The following RARB variants were observed in gnomAD, a reference collection of about 807,000 sequenced individuals.
RARB encodes the protein HBV-activated protein.
A neutral mutation model predicts 51.9 loss-of-function variants in RARB; 17 were observed. The observed-to-expected ratio is 0.33, with a 90% CI of 0.22 to 0.49. The LOEUF (loss-of-function observed/expected upper bound fraction) is 0.49. RARB is among the 20% of genes least tolerant of loss of function. The pLI is 0.99. For synonymous variants in RARB, 215 were observed against 195.4 expected, an observed-to-expected ratio of 1.10 and a Z score of -0.84; for missense variants, 369 against 550.8, an observed-to-expected ratio of 0.67 and a Z score of 3.30.
chr3:25,577,289 C>G (rs1157451959), intron 4 of RARB, among the ~76,000 whole-genome samples: 1 of 152,196 alleles, frequency 6.6e-6, no homozygotes, highest in African/African-American at 2.4e-5. Flanking sequence ...ATGGTGCCTA[C>G]CGCATGGGGG....
At chr3:25,167,897 C>T (rs943347327) in intron 4 of RARB, among the ~76,000 whole-genome samples, 3 of 152,200 alleles carry the variant, frequency 2.0e-5, no homozygotes, top group Admixed American at 2.0e-4. Flanking sequence ...CAGATGCTTA[C>T]AGGATTGCTC....
At chr3:25,044,482 G>A (rs1698174989) in intron 2 of RARB, among the ~76,000 whole-genome samples, 1 of 152,018 alleles carries the variant, frequency 6.6e-6, no homozygotes, top group South Asian at 2.1e-4. Flanking sequence ...TATATTTAGG[G>A]CTAAAAAAAA....
chr3:25,036,661 C>T (rs904650290), intron 2 of RARB, among the ~76,000 whole-genome samples: 5 of 152,142 alleles, frequency 3.3e-5, no homozygotes, highest in African/African-American at 1.2e-4. Context: ...TTTGTGCCCA[C>T]ACCAGTACCT....
At position 24,902,174 on chromosome 3, in the gene RARB, G is replaced by A. The variant is rs113038319; in HGVS notation, c.-380+43422G>A. Among the ~76,000 whole-genome samples, 1,122 of 152,158 alleles carry A rather than the reference G, an allele frequency of 7.4e-3. 14 individuals are homozygous for A. The highest frequency in any genetic ancestry group is 0.025 in the African/African-American group (1,037 of 41,496). On this transcript the variant is annotated intron_variant, in intron 2 of 11. Coordinates refer to the RARB transcript ENST00000383772. ...TTAAGTGGCTTGTCCACATTCCTACGTCTGAGAAGCAGCAGATCTAGAATT... is the reference window on the plus strand; with the variant it reads ...TTAAGTGGCTTGTCCACATTCCTACATCTGAGAAGCAGCAGATCTAGAATT...
intron 2 of RARB, among the ~76,000 whole-genome samples, chr3:24,941,424 C>T (rs1018240990): frequency 2.0e-5 from 3 of 150,694 alleles, no homozygotes; most frequent in Non-Finnish European, 2.9e-5. Context: ...GGCTGGAGTG[C>T]AATGGCACGA....
At chr3:25,341,969 C>G (rs1388398983) in intron 5 of RARB, among the ~76,000 whole-genome samples, 1 of 152,188 alleles carries the variant, frequency 6.6e-6, no homozygotes, top group African/African-American at 2.4e-5. Flanking sequence ...GTATCTGTCT[C>G]TTCCACTAAA....
intron 2 of RARB, among the ~76,000 whole-genome samples, chr3:25,042,747 C>G: frequency 6.6e-6 from 1 of 152,204 alleles, no homozygotes; most frequent in East Asian, 1.9e-4. Flanking sequence ...AGCATCCTGT[C>G]TGTTCACTTC....
intron 1 of RARB, among the ~76,000 whole-genome samples, chr3:25,457,879 C>T (rs1293632766): frequency 6.6e-6 from 1 of 152,164 alleles, no homozygotes. Flanking sequence ...ACACACCGCT[C>T]CCCACCTTCC....
intron 2 of RARB, among the ~76,000 whole-genome samples, chr3:25,491,445 A>T (rs1478382993): frequency 6.6e-6 from 1 of 152,098 alleles, no homozygotes; most frequent in East Asian, 1.9e-4. Context: ...GAACTACTTA[A>T]TTCTGTCTGA....
At chr3:25,196,225 C>G (rs62235885) in intron 5 of RARB, among the ~76,000 whole-genome samples, 1 of 151,986 alleles carries the variant, frequency 6.6e-6, no homozygotes, top group Non-Finnish European at 1.5e-5. Flanking sequence ...CCCCCATCCC[C>G]TCACCCCACA....
At chr3:25,267,677 G>C (rs1224048465) in intron 5 of RARB, among the ~76,000 whole-genome samples, 1 of 152,074 alleles carries the variant, frequency 6.6e-6, no homozygotes, top group Non-Finnish European at 1.5e-5. Flanking sequence ...AGTATTTTTA[G>C]TGTTTGGATA....
chr3:25,148,595 C>T (rs759135374), intron 4 of RARB, among the ~76,000 whole-genome samples: 3 of 152,106 alleles, frequency 2.0e-5, no homozygotes, highest in African/African-American at 7.2e-5. Flanking sequence ...TTTATGGAAG[C>T]GTGTGGTGCA....
intron 2 of RARB, among the ~76,000 whole-genome samples, chr3:25,477,308 G>A (rs1461539342): frequency 6.6e-6 from 1 of 152,140 alleles, no homozygotes; most frequent in African/African-American, 2.4e-5. Context: ...TTGGGCATGG[G>A]GTAGGTGACT....
chr3:25,365,214 T>C (rs1243399498), intron 5 of RARB, among the ~76,000 whole-genome samples: 1 of 140,230 alleles, frequency 7.1e-6, no homozygotes, highest in African/African-American at 2.7e-5. Context: ...TTTTTTTTTT[T>C]TTTTTTTTTT....
chr3:24,933,525 G>T (rs1159834004), intron 2 of RARB, among the ~76,000 whole-genome samples: 2 of 151,948 alleles, frequency 1.3e-5, no homozygotes, highest in Non-Finnish European at 2.9e-5. Context: ...TTGCTTTTGC[G>T]GATCTGACTT....
At chr3:25,422,212 T>C (rs1707881651) in intron 5 of RARB, among the ~76,000 whole-genome samples, 1 of 152,208 alleles carries the variant, frequency 6.6e-6, no homozygotes, top group African/African-American at 2.4e-5. Flanking sequence ...GTAGACATTA[T>C]CCTTTATTAA....
chr3:25,189,828 T>C (rs915633747), intron 5 of RARB, among the ~76,000 whole-genome samples: 3 of 152,088 alleles, frequency 2.0e-5, no homozygotes, highest in African/African-American at 7.2e-5. Flanking sequence ...GAGTTTGCAG[T>C]GAGCTGAGAT....
chr3:25,106,520 C>T (rs1489377128), intron 3 of RARB, among the ~76,000 whole-genome samples: 3 of 137,716 alleles, frequency 2.2e-5, no homozygotes, highest in Admixed American at 8.4e-5. Flanking sequence ...CAAGGCTGGT[C>T]TTGAACTCCT....
At chr3:25,130,227 T>C (rs539439127) in intron 3 of RARB, among the ~76,000 whole-genome samples, 38 of 152,216 alleles carry the variant, frequency 2.5e-4, no homozygotes, top group African/African-American at 8.4e-4. Context: ...CTGAGGACTT[T>C]TACACATGGT....
Sources: allele counts gnomAD v4.1 joint callset (sites outside exome capture counted in the v4.1 genomes callset), GRCh38; gene constraint gnomAD v4.1.1; transcripts MANE v1.5; gene names NCBI Gene and HGNC (gene_info 2026-07-23, HGNC 2026-07-21).